The following ZNF845 variants were observed in gnomAD, a reference collection of about 807,000 sequenced individuals.
The protein encoded by ZNF845 is zinc finger protein 845.
Under a neutral mutation model 76.1 loss-of-function variants are expected in ZNF845, and 59 were observed. The observed-to-expected ratio is 0.78, with a 90% CI of 0.63 to 0.96. The LOEUF is 0.96. Among genes scored for constraint, ZNF845 ranks in the 40% least tolerant of loss-of-function variants. The pLI, the probability that ZNF845 is intolerant of heterozygous loss-of-function variation, is 0.00. For synonymous variants in ZNF845, 361 were observed against 386.9 expected, an observed-to-expected ratio of 0.93 and a Z score of 0.78; for missense variants, 1,045 against 1,172.8, an observed-to-expected ratio of 0.89 and a Z score of 1.59.
chr19:53,356,723 A>G lies in ZNF845; in HGVS notation c.*3135A>G, dbSNP rs1042265656. 4 of 151,948 alleles carry G rather than the reference A, an allele frequency of 2.6e-5. No homozygotes were observed. The highest frequency in any genetic ancestry group is 4.4e-5 in the Non-Finnish European group (3 of 68,006). 9.4% of individuals were successfully genotyped at this position (151,948 alleles called of 1,614,324 possible). A position where few individuals can be genotyped will look rare whatever the true frequency, so the allele number is the denominator to read the frequency against. On this transcript the variant is annotated 3_prime_UTR_variant, in exon 4 of 4. Transcript: ENST00000458035. ...GGTGGGCGGATCACGAGGTCAGGAG[A>G]TCGAGACCATCCTGGCTAACACGGT...
intron 1 of ZNF845, among the ~76,000 whole-genome samples, chr19:53,336,806 C>T (rs2085218561): frequency 6.6e-6 from 1 of 152,120 alleles, no homozygotes; most frequent in Admixed American, 6.5e-5. Context: ...TTTTAAAAAA[C>T]AATTTCCAAA....
chr19:53,348,374 C>T (rs2085310889), intron 3 of ZNF845, among the ~76,000 whole-genome samples: 1 of 152,218 alleles, frequency 6.6e-6, no homozygotes. Context: ...GTGCCAGCCA[C>T]ATTGGTTCCT....
At chr19:53,346,437 T>G in intron 3 of ZNF845, 1 of 383,518 alleles carries the variant, frequency 2.6e-6, no homozygotes, top group South Asian at 1.8e-5. Context: ...TCCCGGCACT[T>G]TGGGAGGCCG....
chr19:53,345,387 C>T (rs73594764), intron 2 of ZNF845, 119 bp from the exon 3 acceptor site: 148,332 of 1,568,950 alleles, frequency 0.095, 7,492 homozygotes, highest in Middle Eastern at 0.19. Flanking sequence ...ATCCCTTACT[C>T]GGATTTGTCA....
Position 53,351,043 on chromosome 19 carries a change from C to T in ZNF845, c.368C>T (p.Thr123Ile). 1 of 1,614,148 alleles carries T rather than the reference C, an allele frequency of 6.2e-7. No homozygotes were observed. Among genetic ancestry groups the T allele is most frequent in the South Asian group, 1.1e-5 (1 of 91,088 alleles). ...MTEIKQLTGSTNRHDQRHAGN... is the reference protein window; with the variant it reads ...MTEIKQLTGSINRHDQRHAGN... Reference sequence around the variant, plus strand: ...GAAATCAAACAGTTGACGGGTAGTACAAACCGACATGATCAAAGGCATGCT... The same window carrying T: ...GAAATCAAACAGTTGACGGGTAGTATAAACCGACATGATCAAAGGCATGCT... The change falls in exon 4 of 4, where the codon ACA becomes ATA. Residue 123 changes from threonine to isoleucine, a missense_variant. Physicochemically the swap from Thr to Ile is moderately conservative, Grantham distance 89. Transcript: ENST00000458035.
At chr19:53,344,961 G>T (rs187525759) in intron 2 of ZNF845, among the ~76,000 whole-genome samples, 17 of 152,148 alleles carry the variant, frequency 1.1e-4, no homozygotes, top group Admixed American at 5.9e-4. Context: ...TCTTTTGTGT[G>T]TATTTTTAGT....
In ZNF845 at chr19:53,350,942, A is replaced by G. The variant is rs1406012149; in HGVS notation, c.267A>G (p.Glu89=). The change falls in exon 4 of 4, where the codon GAA becomes GAG. Residue 89 remains glutamate (E), a synonymous_variant. Coordinates refer to ENST00000458035, the MANE Select transcript of ZNF845 (RefSeq NM_138374.3). ...RHHIGDFCFQ[E]MEKDIHDFEF... is the part of the protein sequence containing the mutation. ...ACATTGGAGATTTTTGCTTCCAGGAAATGGAGAAAGATATTCATGATTTTG... is the reference window on the plus strand; with the variant it reads ...ACATTGGAGATTTTTGCTTCCAGGAGATGGAGAAAGATATTCATGATTTTG... The G allele has an allele frequency of 6.2e-7, 1 of 1,614,180 alleles. No homozygotes were observed. Among genetic ancestry groups the G allele is most frequent in the South Asian group, 1.1e-5 (1 of 91,084 alleles).
rs2085255079 is a variant in ZNF845 at position 53,341,312 on chromosome 19, C to G, written c.5C>G (p.Ala2Gly). 2 of 1,613,860 alleles carry G rather than the reference C, an allele frequency of 1.2e-6. No homozygotes were observed. The highest frequency in any genetic ancestry group is 1.7e-6 in the Non-Finnish European group (2 of 1,179,944). The change falls in exon 2 of 4, where the codon GCT (alanine) becomes GGT (glycine). Residue 2 changes from alanine (A) to glycine (G), a missense_variant. Physicochemically the swap from Ala to Gly is moderately conservative, Grantham distance 60 (BLOSUM62 0). Transcript: ENST00000458035. ...AGGAAAGCAAAGGAGTCAGGGATGG[C>G]TCTTTCTCAGGTGAGATGATATGTT... MALSQGLLTFRD... is the reference protein window; with the variant it reads MGLSQGLLTFRD...
At chr19:53,348,438 A>G (rs1366264420) in intron 3 of ZNF845, among the ~76,000 whole-genome samples, 3 of 152,088 alleles carry the variant, frequency 2.0e-5, no homozygotes, top group Admixed American at 6.6e-5. Context: ...GTGTCCTGAC[A>G]TGGTGGAAAG....
In ZNF845 at chr19:53,356,426, T is replaced by G. The variant is rs1049228184; in HGVS notation, c.*2838T>G. The G allele has an allele frequency of 9.2e-5, 14 of 152,210 alleles. No individual in the cohort carries two copies. The highest frequency in any genetic ancestry group is 3.4e-4 in the African/African-American group (14 of 41,430). The allele number at this position is 152,210 out of a possible 1,614,324, so 9.4% of individuals were successfully genotyped here. Reference sequence around the variant, plus strand: ...GGTGGTGCACTGCTGTGGTCCCAGCTACTCTGGGCACTGAAGTGGGAGGAT... The same window carrying G: ...GGTGGTGCACTGCTGTGGTCCCAGCGACTCTGGGCACTGAAGTGGGAGGAT... On this transcript the variant is annotated 3_prime_UTR_variant, in exon 4 of 4. Transcript: ENST00000458035.
At chr19:53,336,633 C>CTTTTTTTTTTTTTTTT (rs398035035) in intron 1 of ZNF845, among the ~76,000 whole-genome samples, 67 of 92,394 alleles carry the variant, frequency 7.3e-4, no homozygotes, top group African/African-American at 1.1e-3. Flanking sequence ...TTCTTTCTTT[C>CTTTTTTTTTTTTTTTT]TTTTTTTTTT....
rs566347364 is a variant in ZNF845, at chr19:53,352,323, C to A, written c.1648C>A (p.Pro550Thr). 5 of 1,613,670 alleles carry A rather than the reference C, an allele frequency of 3.1e-6. No individual in the cohort carries two copies. In the East Asian group the frequency reaches 8.9e-5, roughly 29 times the overall value. Reference sequence around the variant, plus strand: ...TTGTAGACTTCATACTGGAGAGAAACCTTACCAGTGTAATGAGTGTGGCAA... The same window carrying A: ...TTGTAGACTTCATACTGGAGAGAAAACTTACCAGTGTAATGAGTGTGGCAA... ...RHCRLHTGEK[P>T]YQCNECGKAF... The change falls in exon 4 of 4, where the codon CCT (proline) becomes ACT (threonine). Residue 550 changes from proline (P) to threonine (T), a missense_variant. Transcript: ENST00000458035.
intron 1 of ZNF845, 75 bp from the exon 2 acceptor site, chr19:53,341,160 C>T: frequency 1.5e-6 from 2 of 1,310,852 alleles, no homozygotes; most frequent in African/African-American, 1.5e-5. Flanking sequence ...GTGAGGTCTC[C>T]TTTGTATGTT....
At chr19:53,340,972 C>G in intron 1 of ZNF845, 1 of 460,344 alleles carries the variant, frequency 2.2e-6, no homozygotes. Flanking sequence ...ATATCACCTT[C>G]TCAGTGGGGA....
At position 53,354,441 on chromosome 19, in the gene ZNF845, C is replaced by T. The variant is rs573710515; in HGVS notation, c.*853C>T. 5.2e-5 allele frequency: 11 copies of T among 212,518 alleles called. No homozygotes were observed. The highest frequency in any genetic ancestry group is 8.8e-5 in the Non-Finnish European group (9 of 102,254). 13.2% of individuals were successfully genotyped at this position (212,518 alleles called of 1,614,324 possible). A position where few individuals can be genotyped will look rare whatever the true frequency, so the allele number is the denominator to read the frequency against. On this transcript the variant is annotated 3_prime_UTR_variant, in exon 4 of 4. Transcript: ENST00000458035. The stretch of plus-strand genomic sequence containing the variant: ...ATCCCAGCACTTTGGGAGGCCAAGA[C>T]CAATAGATCACTTGAGGTCAGGAGT...
chr19:53,338,788 T>C (rs1049738473), intron 1 of ZNF845, among the ~76,000 whole-genome samples: 3 of 151,686 alleles, frequency 2.0e-5, no homozygotes, highest in African/African-American at 7.3e-5. Flanking sequence ...GATGCTATAA[T>C]GTAAATGTGT....
intron 1 of ZNF845, among the ~76,000 whole-genome samples, chr19:53,334,220 AGCCCGCGTTG>A (rs1337319728): frequency 6.6e-6 from 1 of 152,042 alleles, no homozygotes; most frequent in Non-Finnish European, 1.5e-5. Flanking sequence ...GCTTACCCTG[AGCCCGCGTTG>A]GGGAGGTGCC....
At chr19:53,342,080 C>A (rs1006635267) in intron 2 of ZNF845, among the ~76,000 whole-genome samples, 5 of 151,360 alleles carry the variant, frequency 3.3e-5, no homozygotes, top group Non-Finnish European at 1.5e-5. Context: ...GTGCCATATT[C>A]TCATTCCACC....
Position 53,352,165 on chromosome 19 carries a change from G to A in ZNF845, c.1490G>A (p.Cys497Tyr). 1 of 1,614,008 alleles carries A rather than the reference G, an allele frequency of 6.2e-7. No homozygotes were observed. Among genetic ancestry groups the A allele is most frequent in the African/African-American group, 1.3e-5 (1 of 75,032 alleles). Residue 497 changes from cysteine to tyrosine, a missense_variant, in exon 4 of 4, where the codon TGT becomes TAT. Coordinates refer to ENST00000458035, the MANE Select transcript of ZNF845 (RefSeq NM_138374.3). ...CATACTGGAGAGAAACCTTACAAAT[G>A]TGAAGAATGTGATGAAGCTTTCAGT... Reference protein sequence around the residue: ...RLHTGEKPYKCEECDEAFSFK... With the variant: ...RLHTGEKPYKYEECDEAFSFK...
Sources: gnomAD v4.1 joint callset for allele counts (sites outside exome capture counted in the v4.1 genomes callset) on GRCh38, gnomAD v4.1.1 for gene constraint, MANE v1.5 for transcripts, NCBI Gene and HGNC (gene_info 2026-07-23, HGNC 2026-07-21) for gene names.